UGGT2: variants seen among roughly 807,000 people sequenced by gnomAD.
UGGT2 encodes UDP-glucose:glycoprotein glucosyltransferase 2.
Under a neutral mutation model 192.1 loss-of-function variants are expected in UGGT2, and 180 were observed. That is an observed-to-expected ratio of 0.94 (90% CI 0.83 to 1.06). The LOEUF (loss-of-function observed/expected upper bound fraction) is 1.06. UGGT2 is among the 50% of genes least tolerant of loss of function. The probability of loss-of-function intolerance (pLI) is 0.00; values close to 1 mark genes in which losing one functional copy is unlikely to be tolerated. For synonymous variants in UGGT2, 580 were observed against 591.0 expected (o/e 0.98, Z 0.27); for missense variants, 1,849 against 1,795.7 (o/e 1.03, Z -0.54).
At chr13:95,806,465 C>G (rs748760261) in intron 38 of UGGT2, among the ~76,000 whole-genome samples, 1 of 152,144 alleles carries the variant, frequency 6.6e-6, no homozygotes, top group Non-Finnish European at 1.5e-5. Flanking sequence ...GAAGAAAGAA[C>G]ATCAGACGGC....
At chr13:95,804,491 G>T (rs770433790) in intron 38 of UGGT2, among the ~76,000 whole-genome samples, 1 of 152,166 alleles carries the variant, frequency 6.6e-6, no homozygotes, top group Non-Finnish European at 1.5e-5. Flanking sequence ...CACAAGGGAT[G>T]CCGAAAATAT....
chr13:95,875,898 G>T (rs962998894), intron 29 of UGGT2, among the ~76,000 whole-genome samples: 3 of 152,124 alleles, frequency 2.0e-5, no homozygotes, highest in African/African-American at 7.2e-5. Context: ...AATAAAAGGT[G>T]CTCAGTAAGT....
chr13:95,913,480 AT>A (rs1367576945), intron 20 of UGGT2, among the ~76,000 whole-genome samples: 1 of 152,244 alleles, frequency 6.6e-6, no homozygotes, highest in East Asian at 1.9e-4. Context: ...CAACAGACAC[AT>A]GGAAAAATGC....
In UGGT2 at chr13:95,933,482, G is replaced by A. The variant is rs139429387; in HGVS notation, c.1977+3442C>T. 1.9e-3 allele frequency among the ~76,000 whole-genome samples: 287 copies of A among 152,128 alleles called. 2 individuals carry two copies. Among genetic ancestry groups the A allele is most frequent in the Middle Eastern group, 0.017 (5 of 294 alleles). On this transcript the variant is annotated intron_variant, in intron 17 of 38. Coordinates refer to ENST00000376747, the MANE Select transcript of UGGT2 (RefSeq NM_020121.4). Reference sequence around the variant, plus strand: ...CTGTTAATCTAGCTAGTGGTCTATCGATCTTGTCCTTTCCAAGAGCTAACT... The same window carrying A: ...CTGTTAATCTAGCTAGTGGTCTATCAATCTTGTCCTTTCCAAGAGCTAACT...
intron 10 of UGGT2, among the ~76,000 whole-genome samples, chr13:95,982,200 C>T (rs1330947560): frequency 1.3e-5 from 2 of 152,166 alleles, no homozygotes; most frequent in Non-Finnish European, 2.9e-5. Context: ...ATTATTTAGG[C>T]AGATAGTGAG....
At chr13:95,802,969 G>A (rs2139718901) in intron 38 of UGGT2, among the ~76,000 whole-genome samples, 2 of 152,160 alleles carry the variant, frequency 1.3e-5, no homozygotes, top group Admixed American at 1.3e-4. Context: ...GAGTAGCTGG[G>A]ACTACAGGCG....
intron 33 of UGGT2, among the ~76,000 whole-genome samples, chr13:95,858,466 A>G (rs1889833345): frequency 6.6e-6 from 1 of 151,986 alleles, no homozygotes; most frequent in South Asian, 2.1e-4. Flanking sequence ...CCTCAATAAA[A>G]ACTCTGTACC....
At chr13:96,027,558 T>G (rs981712891) in intron 2 of UGGT2, among the ~76,000 whole-genome samples, 1 of 152,112 alleles carries the variant, frequency 6.6e-6, no homozygotes, top group African/African-American at 2.4e-5. Context: ...ATCACTCTTA[T>G]TAAAAAAAAT....
At chr13:96,042,487 G>A (rs146023450) in intron 1 of UGGT2, among the ~76,000 whole-genome samples, 3,491 of 151,874 alleles carry the variant, frequency 0.023, 50 homozygotes, top group Non-Finnish European at 0.037. Context: ...AATCACACTC[G>A]CTCACCAGCA....
At chr13:95,962,841 G>A (rs375716198) in intron 12 of UGGT2, among the ~76,000 whole-genome samples, 1 of 152,004 alleles carries the variant, frequency 6.6e-6, no homozygotes, top group African/African-American at 2.4e-5. Context: ...CAGGAAAAAG[G>A]GTTCAAAGGA....
At position 96,023,043 on chromosome 13, in the gene UGGT2, G is replaced by A; in HGVS notation, c.482C>T (p.Ser161Leu). The change falls in exon 4 of 39, where the codon TCA becomes TTA. Residue 161 changes from serine to leucine, a missense_variant. Physicochemically the swap from Ser to Leu is moderately radical, Grantham distance 145. Transcript: ENST00000376747. ...EIKKLLKKAASRTRPYLFKGD... is the reference protein window; with the variant it reads ...EIKKLLKKAALRTRPYLFKGD... Reference sequence around the variant, plus strand: ...TTATAGGCTATTATTAATTTACCTTGAAGCAGCTTTCTTCAGCAGCTTTTT... The same window carrying A: ...TTATAGGCTATTATTAATTTACCTTAAAGCAGCTTTCTTCAGCAGCTTTTT... The A allele has an allele frequency of 6.4e-7, 1 of 1,574,490 alleles. No homozygotes were observed. The highest frequency in any genetic ancestry group is 2.3e-5 in the East Asian group (1 of 43,648).
At chr13:96,045,284 AC>A in intron 1 of UGGT2, among the ~76,000 whole-genome samples, 1 of 152,206 alleles carries the variant, frequency 6.6e-6, no homozygotes, top group Non-Finnish European at 1.5e-5. Flanking sequence ...AAAATCAAGC[AC>A]CCCTTTATGA....
At chr13:95,834,305 G>C (rs550355527) in intron 37 of UGGT2, among the ~76,000 whole-genome samples, 3 of 151,982 alleles carry the variant, frequency 2.0e-5, no homozygotes, top group Admixed American at 6.6e-5. Flanking sequence ...CATGCCCCTC[G>C]GGGAGCTTTG....
intron 16 of UGGT2, among the ~76,000 whole-genome samples, chr13:95,937,820 G>T (rs192668003): frequency 2.5e-4 from 38 of 152,122 alleles, no homozygotes; most frequent in African/African-American, 8.7e-4. Flanking sequence ...ATATAGCAAG[G>T]GAAGTAAGAG....
At chr13:95,833,342 G>T (rs191343075) in intron 37 of UGGT2, among the ~76,000 whole-genome samples, 1 of 152,182 alleles carries the variant, frequency 6.6e-6, no homozygotes, top group Non-Finnish European at 1.5e-5. Flanking sequence ...TTTGACAAAA[G>T]ATCTAATTAC....
chr13:95,869,753 C>T (rs939794434), intron 29 of UGGT2, among the ~76,000 whole-genome samples: 1 of 152,128 alleles, frequency 6.6e-6, no homozygotes, highest in Non-Finnish European at 1.5e-5. Flanking sequence ...ACAAGCTAAG[C>T]AGTCAGAGGA....
intron 4 of UGGT2, among the ~76,000 whole-genome samples, chr13:96,019,453 G>C (rs2052450167): frequency 6.6e-6 from 1 of 152,056 alleles, no homozygotes; most frequent in African/African-American, 2.4e-5. Context: ...TTTGTCCCAG[G>C]GAGAAACACT....
chr13:96,041,350 T>C (rs977846037), intron 1 of UGGT2, among the ~76,000 whole-genome samples: 1 of 152,150 alleles, frequency 6.6e-6, no homozygotes, highest in African/African-American at 2.4e-5. Flanking sequence ...CTGTGGGCTC[T>C]CTGGGTCCCC....
chr13:95,828,865 A>G (rs1036739713), intron 38 of UGGT2, among the ~76,000 whole-genome samples: 15 of 152,296 alleles, frequency 9.8e-5, no homozygotes, highest in Admixed American at 3.9e-4. Context: ...AGTCACAACA[A>G]CAAAAGATAA....
Sources: allele counts gnomAD v4.1 joint callset (sites outside exome capture counted in the v4.1 genomes callset), GRCh38; gene constraint gnomAD v4.1.1; transcripts MANE v1.5; gene names NCBI Gene and HGNC (gene_info 2026-07-23, HGNC 2026-07-21).